The following WDR64 variants were observed in gnomAD, a reference collection of about 807,000 sequenced individuals.
The protein encoded by WDR64 is WD repeat domain 64.
In WDR64, 112 loss-of-function variants were observed where a neutral mutation model predicts 139.3. The ratio of observed to expected loss-of-function variants is 0.80; its 90% CI spans 0.69 to 0.94. The LOEUF is 0.94. Among genes scored for constraint, WDR64 ranks in the 40% least tolerant of loss-of-function variants. The pLI, the probability that WDR64 is intolerant of heterozygous loss-of-function variation, is 0.00. For synonymous variants in WDR64, 444 were observed against 437.7 expected (o/e 1.01, Z -0.18); for missense variants, 1,206 against 1,293.1 (o/e 0.93, Z 1.03).
intron 8 of WDR64, among the ~76,000 whole-genome samples, chr1:241,711,471 C>T (rs528716645): frequency 6.6e-6 from 1 of 152,242 alleles, no homozygotes; most frequent in East Asian, 1.9e-4. Flanking sequence ...ACCCAACAGA[C>T]TCACTTAACC....
chr1:241,689,703 A>G (rs1345050786), intron 8 of WDR64, among the ~76,000 whole-genome samples: 2 of 152,188 alleles, frequency 1.3e-5, no homozygotes, highest in Admixed American at 1.3e-4. Context: ...TTAACAGGCT[A>G]AGGGCTCGGA....
chr1:241,795,059 T>C, intron 25 of WDR64, 148 bp from the exon 26 acceptor site: 1 of 629,818 alleles, frequency 1.6e-6, no homozygotes, highest in Non-Finnish European at 2.8e-6. Flanking sequence ...GCTATACATA[T>C]TATTTATTTG....
intron 8 of WDR64, 31 bp from the exon 9 acceptor site, chr1:241,711,771 A>G (rs746627770): frequency 3.1e-6 from 5 of 1,601,914 alleles, no homozygotes; most frequent in East Asian, 2.2e-5. Flanking sequence ...AGAAAAATAT[A>G]TATGTTTTCC....
chr1:241,726,049 T>A (rs201690939), intron 10 of WDR64, among the ~76,000 whole-genome samples: 1 of 57,354 alleles, frequency 1.7e-5, no homozygotes, highest in African/African-American at 4.6e-5. Flanking sequence ...GCTCTCTTTT[T>A]TTTTTTTTAG....
At chr1:241,787,351 G>A (rs1230968105) in intron 23 of WDR64, among the ~76,000 whole-genome samples, 14 of 131,128 alleles carry the variant, frequency 1.1e-4, no homozygotes, top group East Asian at 2.2e-4. Context: ...GCGACAGAGC[G>A]AGACTCCTCA....
chr1:241,708,325 G>GT (rs1234829685), intron 8 of WDR64, among the ~76,000 whole-genome samples: 2 of 152,098 alleles, frequency 1.3e-5, no homozygotes, highest in African/African-American at 4.8e-5. Context: ...AAAAATAATT[G>GT]TAAGAATTTT....
At chr1:241,697,231 T>A (rs1160496643) in intron 8 of WDR64, among the ~76,000 whole-genome samples, 1 of 152,200 alleles carries the variant, frequency 6.6e-6, no homozygotes, top group Non-Finnish European at 1.5e-5. Flanking sequence ...CCCCTTTCAC[T>A]CTTCACTGAT....
At chr1:241,793,338 G>A (rs922613369) in intron 25 of WDR64, among the ~76,000 whole-genome samples, 1 of 152,138 alleles carries the variant, frequency 6.6e-6, no homozygotes, top group African/African-American at 2.4e-5. Context: ...TCAAAGTTGG[G>A]GGTGTTGTTC....
At chr1:241,745,799 C>A (rs1669734954) in intron 13 of WDR64, among the ~76,000 whole-genome samples, 1 of 152,088 alleles carries the variant, frequency 6.6e-6, no homozygotes, top group Non-Finnish European at 1.5e-5. Flanking sequence ...AAGTGAGATT[C>A]TGACTCCCAG....
chr1:241,746,230 G>C (rs116638845), intron 13 of WDR64, among the ~76,000 whole-genome samples: 288 of 152,196 alleles, frequency 1.9e-3, no homozygotes, highest in African/African-American at 4.4e-3. Flanking sequence ...TCTGGGTGTC[G>C]AGCAGGATTC....
At chr1:241,772,545 C>T (rs1464153765) in intron 19 of WDR64, among the ~76,000 whole-genome samples, 1 of 142,276 alleles carries the variant, frequency 7.0e-6, no homozygotes, top group Non-Finnish European at 1.5e-5. Context: ...TCACTGCAAC[C>T]TCTGCCTCCT....
At chr1:241,775,875 C>T (rs1394518269) in intron 21 of WDR64, among the ~76,000 whole-genome samples, 1 of 152,064 alleles carries the variant, frequency 6.6e-6, no homozygotes, top group Non-Finnish European at 1.5e-5. Flanking sequence ...TCAGTTAAAA[C>T]AAAAAGCTTA....
chr1:241,669,651 T>C (rs1354274639), intron 2 of WDR64, among the ~76,000 whole-genome samples: 1 of 152,206 alleles, frequency 6.6e-6, no homozygotes, highest in Admixed American at 6.5e-5. Context: ...GGCAATTGTA[T>C]GTTGGGAGGT....
Position 241,802,301 on chromosome 1 carries a change from T to C in WDR64, c.*1086T>C, listed in dbSNP as rs1410802465. 6.6e-6 allele frequency among the ~76,000 whole-genome samples: 1 copy of C among 152,148 alleles called. No individual in the cohort carries two copies. Among genetic ancestry groups the C allele is most frequent in the Non-Finnish European group, 1.5e-5 (1 of 68,004 alleles). On this transcript the variant is annotated 3_prime_UTR_variant, in exon 28 of 28. Transcript: ENST00000437684. ...AAAAAAACTTTACAGAAAGAATACA[T>C]GTTGTATGATTCCACGTTTATAAAA...
In WDR64 at chr1:241,766,315, T is replaced by C; in HGVS notation, c.2045T>C (p.Ile682Thr). 4 of 1,614,134 alleles carry C rather than the reference T, an allele frequency of 2.5e-6. No individual in the cohort carries two copies. The highest frequency in any genetic ancestry group is 3.4e-6 in the Non-Finnish European group (4 of 1,180,002). Reference sequence around the variant, plus strand: ...GCTGGAACCTTAAATGGTGTGATCATCTTATGGAATTTTGTGACGTCTACT... The same window carrying C: ...GCTGGAACCTTAAATGGTGTGATCACCTTATGGAATTTTGTGACGTCTACT... ...IAAGTLNGVI[I>T]LWNFVTSTVK... Residue 682 changes from isoleucine to threonine, a missense_variant, in exon 16 of 28, where the codon ATC (isoleucine) becomes ACC (threonine). Ile to Thr is a moderately conservative substitution (Grantham distance 89, BLOSUM62 -1). Coordinates refer to ENST00000437684, the MANE Select transcript of WDR64 (RefSeq NM_001367482.1).
At chr1:241,708,173 T>C (rs1044571521) in intron 8 of WDR64, among the ~76,000 whole-genome samples, 2 of 152,220 alleles carry the variant, frequency 1.3e-5, no homozygotes, top group Non-Finnish European at 2.9e-5. Context: ...ATCCATCAAA[T>C]GGGGGTAGAA....
rs562622270 is a variant in WDR64, at chr1:241,767,714, A to G, written c.2081+1363A>G. On this transcript the variant is annotated intron_variant, in intron 16 of 27. Coordinates refer to ENST00000437684, the MANE Select transcript of WDR64 (RefSeq NM_001367482.1). ...GCCTGCTCCTTCCCATCCAAGCCTG[A>G]GTCATTTCTTTTAGCCAGTTTTTGA... Among the ~76,000 whole-genome samples the G allele has an allele frequency of 7.1e-3, 1,086 of 152,020 alleles. 15 individuals carry two copies. Among genetic ancestry groups the G allele is most frequent in the African/African-American group, 0.025 (1,046 of 41,432 alleles).
chr1:241,715,182 T>C (rs1668356585), intron 9 of WDR64, among the ~76,000 whole-genome samples: 1 of 152,196 alleles, frequency 6.6e-6, no homozygotes, highest in African/African-American at 2.4e-5. Flanking sequence ...TTCTTGATAC[T>C]TGGTAGTGAT....
chr1:241,748,665 C>T (rs987938910), intron 13 of WDR64, among the ~76,000 whole-genome samples: 9 of 152,060 alleles, frequency 5.9e-5, no homozygotes, highest in Non-Finnish European at 4.4e-5. Context: ...CTTGGCCGGG[C>T]ACGGTGGCTC....
Sources: gnomAD v4.1 joint callset for allele counts (sites outside exome capture counted in the v4.1 genomes callset) on GRCh38, gnomAD v4.1.1 for gene constraint, MANE v1.5 for transcripts, NCBI Gene and HGNC (gene_info 2026-07-23, HGNC 2026-07-21) for gene names.